NBAS: variants seen among roughly 807,000 people sequenced by gnomAD.
NBAS encodes NBAS subunit of NRZ tethering complex.
A neutral mutation model predicts 302.5 loss-of-function variants in NBAS; 219 were observed. The observed-to-expected ratio is 0.72, with a 90% confidence interval of 0.65 to 0.81. The LOEUF (loss-of-function observed/expected upper bound fraction) is 0.81, where lower values mean the gene tolerates loss of function less well. Among genes scored for constraint, NBAS ranks in the 30% least tolerant of loss-of-function variants. The pLI, the probability that NBAS is intolerant of heterozygous loss-of-function variation, is 0.00. For missense variants in NBAS, 2,932 were observed against 2,841.6 expected (o/e 1.03, Z -0.72); for synonymous variants, 1,118 against 1,021.6 (o/e 1.09, Z -1.80).
intron 11 of NBAS, among the ~76,000 whole-genome samples, chr2:15,493,533 G>A (rs761633300): frequency 1.3e-5 from 2 of 152,030 alleles, no homozygotes; most frequent in Non-Finnish European, 2.9e-5. Context: ...CAGGCATGAT[G>A]GCAAGTGCCT....
At chr2:15,253,563 C>T (rs1668454749) in intron 44 of NBAS, among the ~76,000 whole-genome samples, 1 of 152,186 alleles carries the variant, frequency 6.6e-6, no homozygotes, top group Admixed American at 6.5e-5. Context: ...CAGGCACAGG[C>T]AGTTTAAAGG....
At chr2:15,484,887 A>T (rs570258381) in intron 12 of NBAS, among the ~76,000 whole-genome samples, 1 of 152,306 alleles carries the variant, frequency 6.6e-6, no homozygotes, top group African/African-American at 2.4e-5. Flanking sequence ...TCTACTGTAC[A>T]GTCCTGTTAC....
chr2:15,097,351 C>A, the NBAS span, among the ~76,000 whole-genome samples: 1 of 152,110 alleles, frequency 6.6e-6, no homozygotes, highest in African/African-American at 2.4e-5. Flanking sequence ...ACAGTGGAGG[C>A]TGAGAGGGGG....
At chr2:15,246,595 T>C (rs1668104615) in intron 44 of NBAS, among the ~76,000 whole-genome samples, 1 of 152,194 alleles carries the variant, frequency 6.6e-6, no homozygotes, top group Non-Finnish European at 1.5e-5. Flanking sequence ...GTAATTCCTG[T>C]AAGAAGGCCC....
intron 21 of NBAS, 69 bp downstream of exon 21, chr2:15,461,132 G>T: frequency 7.4e-7 from 1 of 1,346,078 alleles, no homozygotes; most frequent in Non-Finnish European, 1.1e-6. Context: ...TAACTTTAAG[G>T]TGTTCAGCAT....
chr2:15,191,975 C>T (rs369918486), intron 48 of NBAS, among the ~76,000 whole-genome samples: 6 of 152,150 alleles, frequency 3.9e-5, no homozygotes, highest in African/African-American at 1.4e-4. Flanking sequence ...ACCCTCTCCA[C>T]CAGATATCTG....
rs58841690 is a variant in NBAS, at chr2:15,387,083, AT to A, written c.3258-3767del. Among the ~76,000 whole-genome samples the A allele has an allele frequency of 2.4e-3, 355 of 147,472 alleles. 3 individuals are homozygous for A. Among genetic ancestry groups the A allele is most frequent in the African/African-American group, 8.4e-3 (336 of 40,116 alleles). On this transcript the variant is annotated intron_variant, in intron 28 of 51. Transcript: ENST00000281513. The stretch of plus-strand genomic sequence containing the variant: ...ATAAATGCACAATTATAAAGTATTA[AT>A]TTTTTTTTTTTCTGAAGGAGTCGCC...
chr2:15,275,867 CAT>C (rs765059717), intron 43 of NBAS, 49 bp from the exon 44 acceptor site: 37 of 1,528,596 alleles, frequency 2.4e-5, no homozygotes, highest in Non-Finnish European at 3.1e-5. Flanking sequence ...CCAATGTAAA[CAT>C]AGAGTCACTT....
chr2:15,089,742 C>CTTTTTTT, the NBAS span, among the ~76,000 whole-genome samples: 2 of 78,798 alleles, frequency 2.5e-5, no homozygotes, highest in Non-Finnish European at 4.7e-5. Flanking sequence ...TGGGTCAGGA[C>CTTTTTTT]TTTTTTTTTT....
In NBAS at chr2:15,474,339, G is replaced by A. The variant is rs1318437819; in HGVS notation, c.1342-15C>T. 1.9e-6 allele frequency: 3 copies of A among 1,604,392 alleles called. No homozygotes were observed. Among genetic ancestry groups the A allele is most frequent in the Non-Finnish European group, 2.6e-6 (3 of 1,174,610 alleles). The stretch of plus-strand genomic sequence containing the variant: ...TTAATCTCACACTAAATTGAAAAAG[G>A]AGATTTGAAGTTAATAGTAAGGAAA... On this transcript the variant is annotated splice_polypyrimidine_tract_variant and intron_variant, in intron 14 of 51. Coordinates refer to ENST00000281513, the MANE Select transcript of NBAS (RefSeq NM_015909.4).
intron 9 of NBAS, among the ~76,000 whole-genome samples, chr2:15,511,993 C>T (rs188604775): frequency 2.2e-3 from 339 of 152,246 alleles, no homozygotes; most frequent in Non-Finnish European, 3.7e-3. Context: ...GAAACCCCAA[C>T]AGTCACAATT....
At chr2:14,999,975 T>C in the NBAS span, among the ~76,000 whole-genome samples, 1 of 152,174 alleles carries the variant, frequency 6.6e-6, no homozygotes, top group East Asian at 1.9e-4. Context: ...ACTTTGCAAA[T>C]TGCAGAATGT....
intron 44 of NBAS, among the ~76,000 whole-genome samples, chr2:15,253,961 G>T (rs773107669): frequency 7.9e-5 from 12 of 152,080 alleles, no homozygotes; most frequent in Non-Finnish European, 1.5e-4. Flanking sequence ...AAACTCAACC[G>T]CCTTTGTAAA....
intron 51 of NBAS, chr2:15,177,884 T>C: frequency 6.9e-6 from 2 of 289,698 alleles, no homozygotes; most frequent in Non-Finnish European, 1.4e-5. Context: ...TCAGGTACGG[T>C]ATTCACAAAA....
At chr2:15,440,254 G>A in intron 21 of NBAS, among the ~76,000 whole-genome samples, 1 of 152,204 alleles carries the variant, frequency 6.6e-6, no homozygotes, top group East Asian at 1.9e-4. Flanking sequence ...CTGGGAGACA[G>A]CCCCCAGTAG....
chr2:15,103,034 G>GGAA, the NBAS span, among the ~76,000 whole-genome samples: 2 of 79,172 alleles, frequency 2.5e-5, no homozygotes, highest in African/African-American at 1.7e-4. Flanking sequence ...GAAGGAAAGA[G>GGAA]GGTCGGAGGG....
chr2:15,120,728 C>A, the NBAS span, among the ~76,000 whole-genome samples: 9 of 152,212 alleles, frequency 5.9e-5, no homozygotes, highest in Admixed American at 1.3e-4. Flanking sequence ...AGCTCTGAGC[C>A]CCAGGAAGGG....
At chr2:15,013,035 T>C in the NBAS span, among the ~76,000 whole-genome samples, 1 of 152,182 alleles carries the variant, frequency 6.6e-6, no homozygotes, top group African/African-American at 2.4e-5. Flanking sequence ...TTTTTGTGTC[T>C]TTTTGCAGAG....
chr2:15,304,742 C>T (rs187549163), intron 40 of NBAS, among the ~76,000 whole-genome samples: 299 of 152,256 alleles, frequency 2.0e-3, no homozygotes, highest in African/African-American at 6.6e-3. Context: ...GCCCTAGAGA[C>T]CTGTAGAACT....
Sources: gnomAD v4.1 joint callset for allele counts (sites outside exome capture counted in the v4.1 genomes callset) on GRCh38, gnomAD v4.1.1 for gene constraint, MANE v1.5 for transcripts, NCBI Gene and HGNC (gene_info 2026-07-23, HGNC 2026-07-21) for gene names.